The following TRPM3 variants were observed in gnomAD, a reference collection of about 807,000 sequenced individuals.
TRPM3 encodes the protein transient receptor potential cation channel subfamily M member 3.
In TRPM3, 77 loss-of-function variants were observed where a neutral mutation model predicts 181.2. The ratio of observed to expected loss-of-function variants is 0.42; its 90% CI spans 0.35 to 0.51. The LOEUF is 0.51. TRPM3 is among the 20% of genes least tolerant of loss of function. TRPM3 has a pLI of 0.01. For missense variants in TRPM3, 1,759 were observed against 2,196.7 expected (o/e 0.80, Z 3.98); for synonymous variants, 745 against 796.4 (o/e 0.94, Z 1.09).
chr9:70,637,044 G>A (rs1201933002), intron 11 of TRPM3, among the ~76,000 whole-genome samples: 1 of 152,062 alleles, frequency 6.6e-6, no homozygotes, highest in Non-Finnish European at 1.5e-5. Context: ...ATGCGGCAAC[G>A]ACCTGCCCAT....
At chr9:70,640,905 G>T (rs2057964765) in intron 9 of TRPM3, among the ~76,000 whole-genome samples, 1 of 152,070 alleles carries the variant, frequency 6.6e-6, no homozygotes, top group African/African-American at 2.4e-5. Flanking sequence ...TAAAAAGAAG[G>T]TCTTTGAAAC....
intron 1 of TRPM3, among the ~76,000 whole-genome samples, chr9:71,372,939 C>T (rs1400124120): frequency 1.3e-5 from 2 of 152,128 alleles, no homozygotes; most frequent in South Asian, 2.1e-4. Flanking sequence ...GACAACAGCA[C>T]AATCAAATTA....
intron 1 of TRPM3, among the ~76,000 whole-genome samples, chr9:70,967,649 G>A (rs969886045): frequency 6.6e-6 from 1 of 152,026 alleles, no homozygotes; most frequent in African/African-American, 2.4e-5. Context: ...TGAATAAAGG[G>A]CTTCTGTGAT....
chr9:70,549,565 CTCA>C lies in TRPM3; in HGVS notation c.3681_3683del (p.Asp1227del). Reference sequence around the variant, plus strand: ...ACCTTTCTGAAGTCACCCGTATCCTCTCATCATTAGATGAGTTGAACCGATCAT... The same window carrying C: ...ACCTTTCTGAAGTCACCCGTATCCTCTCATTAGATGAGTTGAACCGATCAT... On this transcript the variant is annotated inframe_deletion, in exon 25 of 26. Transcript: ENST00000677713. 1 of 1,613,606 alleles carries C rather than the reference CTCA, an allele frequency of 6.2e-7. No individual in the cohort carries two copies. The highest frequency in any genetic ancestry group is 2.2e-5 in the East Asian group (1 of 44,870).
chr9:71,013,862 A>G (rs182986325), intron 1 of TRPM3, among the ~76,000 whole-genome samples: 216 of 152,102 alleles, frequency 1.4e-3, no homozygotes, highest in Non-Finnish European at 2.6e-3. Flanking sequence ...TTGATGACCT[A>G]TATTTTTAAG....
chr9:71,284,419 A>C lies in TRPM3; in HGVS notation c.183+162234T>G, dbSNP rs113586917. ...TAAAATCAGCCATCCTTATATGTGA[A>C]GAAAACGTGGAGAATACAACACTTG... On this transcript the variant is annotated intron_variant, in intron 1 of 24. Transcript: ENST00000357533. 8.8e-3 allele frequency among the ~76,000 whole-genome samples: 1,342 copies of C among 152,316 alleles called. 27 individuals carry two copies. The highest frequency in any genetic ancestry group is 0.031 in the African/African-American group (1,284 of 41,556).
intron 1 of TRPM3, among the ~76,000 whole-genome samples, chr9:71,281,059 G>C (rs11142775): frequency 0.28 from 42,168 of 152,072 alleles, 6,146 homozygotes; most frequent in Middle Eastern, 0.5. Flanking sequence ...CTGGAAAGTG[G>C]CTGGTATATA....
chr9:70,619,588 T>C (rs1348701418), intron 16 of TRPM3, among the ~76,000 whole-genome samples: 1 of 148,112 alleles, frequency 6.8e-6, no homozygotes, highest in Non-Finnish European at 1.5e-5. Context: ...TAATTTTTAA[T>C]TTTTTTTTTG....
intron 1 of TRPM3, among the ~76,000 whole-genome samples, chr9:71,376,162 T>C (rs1399715395): frequency 6.6e-6 from 1 of 151,956 alleles, no homozygotes; most frequent in African/African-American, 2.4e-5. Flanking sequence ...CAAATTTTGC[T>C]GAATTAACTA....
At chr9:71,264,122 C>A (rs2083233032) in intron 1 of TRPM3, among the ~76,000 whole-genome samples, 2 of 152,060 alleles carry the variant, frequency 1.3e-5, no homozygotes, top group South Asian at 4.1e-4. Context: ...AATCCTTACC[C>A]CTGATCTAGC....
chr9:70,553,356 G>A (rs765210061), intron 22 of TRPM3, 46 bp from the exon 23 acceptor site: 58 of 1,592,794 alleles, frequency 3.6e-5, no homozygotes, highest in Non-Finnish European at 4.6e-5. Context: ...GGCTATTTGA[G>A]TTAGAAAAAA....
chr9:70,595,866 T>C (rs1387835328), intron 21 of TRPM3, among the ~76,000 whole-genome samples: 2 of 152,180 alleles, frequency 1.3e-5, no homozygotes, highest in African/African-American at 2.4e-5. Context: ...AAATCCCCAA[T>C]TGAACTGGGG....
intron 9 of TRPM3, among the ~76,000 whole-genome samples, chr9:70,656,830 T>C (rs942080802): frequency 1.3e-5 from 2 of 152,092 alleles, no homozygotes; most frequent in Non-Finnish European, 2.9e-5. Context: ...AGGTGAACAA[T>C]TTTTGTATCA....
At chr9:70,975,269 T>C (rs1235627744) in intron 1 of TRPM3, among the ~76,000 whole-genome samples, 1 of 152,130 alleles carries the variant, frequency 6.6e-6, no homozygotes, top group Middle Eastern at 3.2e-3. Context: ...TCAAATTATA[T>C]CTTTAAGAGT....
rs538434428 is a variant in TRPM3 at position 71,295,890 on chromosome 9, G to A, written c.183+150763C>T. Among the ~76,000 whole-genome samples, 7 of 148,438 alleles carry A rather than the reference G, an allele frequency of 4.7e-5. No homozygotes were observed. The South Asian group carries it at 1.3e-3, about 28-fold the overall frequency. On this transcript the variant is annotated intron_variant, in intron 1 of 24. Coordinates refer to the TRPM3 transcript ENST00000357533. ...ATGCTTACTATTTTCTACCATAGAA[G>A]TAGAAGTTGGTCAACATAGTGACAG...
chr9:71,082,384 C>G (rs949250392), intron 1 of TRPM3, among the ~76,000 whole-genome samples: 2 of 152,126 alleles, frequency 1.3e-5, no homozygotes, highest in African/African-American at 4.8e-5. Flanking sequence ...TTTAGCAAGA[C>G]TGTATCATTT....
chr9:71,348,836 G>T (rs1023494869), intron 1 of TRPM3, among the ~76,000 whole-genome samples: 2 of 152,028 alleles, frequency 1.3e-5, no homozygotes, highest in Non-Finnish European at 2.9e-5. Flanking sequence ...CTCCCAAAGT[G>T]CTGGGATTAC....
intron 8 of TRPM3, among the ~76,000 whole-genome samples, chr9:70,745,231 AC>A (rs1239088827): frequency 6.6e-6 from 1 of 152,142 alleles, no homozygotes; most frequent in African/African-American, 2.4e-5. Flanking sequence ...ACTAAGACAT[AC>A]GGAGGTTAAA....
At chr9:70,672,517 T>C (rs1356517178) in intron 9 of TRPM3, among the ~76,000 whole-genome samples, 1 of 152,246 alleles carries the variant, frequency 6.6e-6, no homozygotes, top group East Asian at 1.9e-4. Context: ...CTGTTTTATT[T>C]GTTTTTGCTG....
Sources: gnomAD v4.1 joint callset for allele counts (sites outside exome capture counted in the v4.1 genomes callset) on GRCh38, gnomAD v4.1.1 for gene constraint, MANE v1.5 for transcripts, NCBI Gene and HGNC (gene_info 2026-07-23, HGNC 2026-07-21) for gene names.